Variants in COG5 observed in about 807,000 individuals in gnomAD.
COG5 encodes conserved oligomeric Golgi complex subunit 5.
A neutral mutation model predicts 110.4 loss-of-function variants in COG5; 86 were observed. That is an observed-to-expected ratio of 0.78 (90% CI 0.65 to 0.93). The LOEUF is 0.93. Among genes scored for constraint, COG5 ranks in the 40% least tolerant of loss-of-function variants. COG5 has a pLI of 0.00. For missense variants in COG5, 1,077 were observed against 987.0 expected, an observed-to-expected ratio of 1.09 and a Z score of -1.22; for synonymous variants, 360 against 334.6, an observed-to-expected ratio of 1.08 and a Z score of -0.83.
intron 6 of COG5, among the ~76,000 whole-genome samples, chr7:107,518,479 T>C (rs1459797477): frequency 1.3e-5 from 2 of 151,260 alleles, no homozygotes; most frequent in African/African-American, 4.9e-5. Flanking sequence ...ACCAAGCAAA[T>C]GGGAAACAAA....
At chr7:107,488,148 C>T (rs1190384734) in intron 6 of COG5, among the ~76,000 whole-genome samples, 2 of 149,926 alleles carry the variant, frequency 1.3e-5, no homozygotes, top group Non-Finnish European at 3.0e-5. Flanking sequence ...GCTGATTATT[C>T]CAAGCCCATT....
intron 11 of COG5, among the ~76,000 whole-genome samples, chr7:107,303,227 T>C (rs1193462623): frequency 6.6e-6 from 1 of 152,008 alleles, no homozygotes; most frequent in Non-Finnish European, 1.5e-5. Context: ...ATATGTTTTT[T>C]CTTTTTAGGG....
chr7:107,506,275 T>C (rs982717920), intron 6 of COG5, among the ~76,000 whole-genome samples: 5 of 152,140 alleles, frequency 3.3e-5, no homozygotes, highest in African/African-American at 7.2e-5. Flanking sequence ...ACAGTGGTAT[T>C]TGTGTTGGTC....
intron 10 of COG5, among the ~76,000 whole-genome samples, chr7:107,345,349 AC>A (rs941869113): frequency 1.3e-5 from 2 of 152,244 alleles, no homozygotes; most frequent in African/African-American, 4.8e-5. Flanking sequence ...GGAAAATGGC[AC>A]CAATAGGCTT....
chr7:107,298,303 T>A lies in COG5; in HGVS notation c.1152A>T (p.Lys384Asn). 6.2e-7 allele frequency: 1 copy of A among 1,613,692 alleles called. No individual in the cohort carries two copies. The highest frequency in any genetic ancestry group is 8.5e-7 in the Non-Finnish European group (1 of 1,179,792). ...ATAAGTCATTATAAAGACGTAATAA[T>A]TTAGGGTATTCTCCTTCAAATGCCT... The part of the protein sequence containing the change: ...LKQAFEGEYP[K>N]LLRLYNDLWK... Residue 384 changes from lysine (K) to asparagine (N), a missense_variant, in exon 12 of 22, where the codon AAA (lysine) becomes AAT (asparagine). Coordinates refer to ENST00000297135, the MANE Select transcript of COG5 (RefSeq NM_006348.5).
At chr7:107,454,402 C>T (rs1795534054) in intron 6 of COG5, among the ~76,000 whole-genome samples, 1 of 152,056 alleles carries the variant, frequency 6.6e-6, no homozygotes, top group African/African-American at 2.4e-5. Context: ...GGAGGAATAA[C>T]TGTATTACAG....
chr7:107,490,743 A>G (rs137904296), intron 6 of COG5, among the ~76,000 whole-genome samples: 4 of 152,262 alleles, frequency 2.6e-5, no homozygotes, highest in Non-Finnish European at 4.4e-5. Flanking sequence ...AGTTAGAAAC[A>G]GGGATGGAAA....
chr7:107,252,330 G>A (rs1237447310), intron 16 of COG5, among the ~76,000 whole-genome samples: 1 of 152,078 alleles, frequency 6.6e-6, no homozygotes, highest in Non-Finnish European at 1.5e-5. Flanking sequence ...ACATCACAAA[G>A]TATCAAAGCT....
At chr7:107,374,814 G>A (rs992006141) in intron 7 of COG5, among the ~76,000 whole-genome samples, 1 of 151,600 alleles carries the variant, frequency 6.6e-6, no homozygotes, top group Non-Finnish European at 1.5e-5. Flanking sequence ...TTCAATTAAT[G>A]GCATTCATAT....
chr7:107,270,105 C>A (rs73187335), intron 14 of COG5, among the ~76,000 whole-genome samples: 7,602 of 152,202 alleles, frequency 0.05, 211 homozygotes, highest in Middle Eastern at 0.061. Flanking sequence ...CCTCTTCAGT[C>A]CCATTCATTG....
intron 14 of COG5, among the ~76,000 whole-genome samples, chr7:107,267,129 C>T (rs888862333): frequency 3.3e-5 from 5 of 152,102 alleles, no homozygotes; most frequent in African/African-American, 7.2e-5. Flanking sequence ...GAACACCACA[C>T]AGGAATAAAA....
At chr7:107,521,088 C>T (rs947202740) in intron 6 of COG5, among the ~76,000 whole-genome samples, 2 of 152,120 alleles carry the variant, frequency 1.3e-5, no homozygotes, top group African/African-American at 2.4e-5. Flanking sequence ...ACTGGCTAGC[C>T]GTATGCAGAA....
In COG5 at chr7:107,201,565, A is replaced by AAAT. The variant is rs1798310620; in HGVS notation, c.*1948_*1950dup. On this transcript the variant is annotated 3_prime_UTR_variant, in exon 22 of 22. Coordinates refer to ENST00000297135, the MANE Select transcript of COG5 (RefSeq NM_006348.5). ...AAGATACTGATAGCATTGAGTCTTGAAATGATTTAATAATATGAGTGAGGA... is the reference window on the plus strand; with the variant it reads ...AAGATACTGATAGCATTGAGTCTTGAAATAATGATTTAATAATATGAGTGAGGA... 2 of 493,596 alleles carry AAAT rather than the reference A, an allele frequency of 4.1e-6. No individual in the cohort carries two copies. Among genetic ancestry groups the AAAT allele is most frequent in the Non-Finnish European group, 7.5e-6 (2 of 267,486 alleles). 30.6% of individuals were successfully genotyped at this position (493,596 alleles called of 1,614,324 possible).
At chr7:107,452,127 C>T (rs940678927) in intron 6 of COG5, among the ~76,000 whole-genome samples, 85 of 152,274 alleles carry the variant, frequency 5.6e-4, no homozygotes, top group Non-Finnish European at 1.1e-3. Context: ...TTACTTTGTT[C>T]CATCCTCAAT....
chr7:107,503,145 G>GA (rs1798741643), intron 6 of COG5, among the ~76,000 whole-genome samples: 1 of 152,038 alleles, frequency 6.6e-6, no homozygotes, highest in Admixed American at 6.6e-5. Context: ...GTCTTAGATT[G>GA]AAGTCTTTGA....
At chr7:107,434,699 G>C (rs370471876) in intron 6 of COG5, among the ~76,000 whole-genome samples, 2 of 152,096 alleles carry the variant, frequency 1.3e-5, no homozygotes, top group South Asian at 2.1e-4. Context: ...GGCTGGGCGC[G>C]GTGGCTCACG....
Position 107,204,184 on chromosome 7 carries a change from C to G in COG5, c.2376-554G>C, listed in dbSNP as rs532275784. ...GATCGGGAAGCAGTCTGAATTTAAT[C>G]AAGGGGATGTACCATTCCATTGTTT... On this transcript the variant is annotated intron_variant, in intron 21 of 21. Transcript: ENST00000297135. Among the ~76,000 whole-genome samples, 4 of 152,298 alleles carry G rather than the reference C, an allele frequency of 2.6e-5. No homozygotes were observed. In the East Asian group the frequency reaches 7.7e-4, roughly 29 times the overall value.
intron 17 of COG5, among the ~76,000 whole-genome samples, chr7:107,241,533 A>C (rs1486038521): frequency 6.6e-6 from 1 of 151,250 alleles, no homozygotes; most frequent in African/African-American, 2.4e-5. Flanking sequence ...GCTCACTGCA[A>C]GCTCCGCCTC....
rs561867600 is a variant in COG5 at position 107,342,704 on chromosome 7, A to C, written c.1027-18183T>G. ...AAAACAAAAAACCAAACAAAAAAAA[A>C]CCCAAAAAACCCACAGATGCTGACG... is the stretch of plus-strand genomic sequence containing the variant. On this transcript the variant is annotated intron_variant, in intron 10 of 21. Coordinates refer to ENST00000297135, the MANE Select transcript of COG5 (RefSeq NM_006348.5). Among the ~76,000 whole-genome samples the C allele has an allele frequency of 1.5e-3, 224 of 151,970 alleles. 2 individuals carry two copies. Among genetic ancestry groups the C allele is most frequent in the East Asian group, 2.1e-3 (11 of 5,158 alleles).
Sources: allele counts gnomAD v4.1 joint callset (sites outside exome capture counted in the v4.1 genomes callset), GRCh38; gene constraint gnomAD v4.1.1; transcripts MANE v1.5; gene names NCBI Gene and HGNC (gene_info 2026-07-23, HGNC 2026-07-21).